PLD5: variants seen among roughly 807,000 people sequenced by gnomAD.
PLD5 encodes the protein phospholipase D family member 5, also known as inactive phospholipase D5.
Under a neutral mutation model 61.1 loss-of-function variants are expected in PLD5, and 36 were observed. That is an observed-to-expected ratio of 0.59 (90% CI 0.45 to 0.78). The LOEUF is 0.78. Among genes scored for constraint, PLD5 ranks in the 30% least tolerant of loss-of-function variants. The pLI is 0.00. For missense variants in PLD5, 515 were observed against 644.4 expected (o/e 0.80, Z 2.17); for synonymous variants, 243 against 242.8 (o/e 1.00, Z -0.01).
intron 1 of PLD5, among the ~76,000 whole-genome samples, chr1:242,360,206 C>T (rs1054386421): frequency 9.9e-5 from 15 of 151,944 alleles, no homozygotes; most frequent in African/African-American, 3.1e-4. Flanking sequence ...ACTTTTGAAC[C>T]GGGGCCCTAA....
chr1:242,281,635 G>A (rs1378382942), intron 3 of PLD5, among the ~76,000 whole-genome samples: 1 of 152,164 alleles, frequency 6.6e-6, no homozygotes, highest in Non-Finnish European at 1.5e-5. Context: ...GCTAGATAGT[G>A]TTTGGTCATA....
In PLD5 at chr1:242,085,661, G is replaced by A. The variant is rs1659412971; in HGVS notation, c.*4193C>T. On this transcript the variant is annotated 3_prime_UTR_variant, in exon 10 of 10. Coordinates refer to ENST00000536534, the MANE Select transcript of PLD5 (RefSeq NM_001372062.1). The stretch of plus-strand genomic sequence containing the variant: ...GTATAATAAAGCACACCAGTTCATT[G>A]GGAACAAGTACAGAAAGATAAAAGA... 6.6e-6 allele frequency: 1 copy of A among 152,088 alleles called. No individual in the cohort carries two copies. Among genetic ancestry groups the A allele is most frequent in the African/African-American group, 2.4e-5 (1 of 41,396 alleles). 9.4% of individuals were successfully genotyped at this position (152,088 alleles called of 1,614,324 possible).
intron 1 of PLD5, among the ~76,000 whole-genome samples, chr1:242,506,770 A>T (rs1027602960): frequency 2.6e-5 from 4 of 152,176 alleles, no homozygotes; most frequent in Admixed American, 1.3e-4. Flanking sequence ...GGAGCGAAAT[A>T]CTGGACGGGA....
rs1574300532 is a variant in PLD5, at chr1:242,104,154, C to T, written c.1240-3372G>A. Among the ~76,000 whole-genome samples, 4 of 152,010 alleles carry T rather than the reference C, an allele frequency of 2.6e-5. No individual in the cohort carries two copies. The Middle Eastern group carries it at 0.014, about 521-fold the overall frequency. On this transcript the variant is annotated intron_variant, in intron 8 of 9. Coordinates refer to ENST00000536534, the MANE Select transcript of PLD5 (RefSeq NM_001372062.1). ...GTTTTTGCTTCGAGACAGTCTTGTT[C>T]TGTCCCCAGGCTGGAGTGCAGTGGC...
At chr1:242,241,386 A>AT (rs1331233323) in intron 4 of PLD5, among the ~76,000 whole-genome samples, 1 of 152,156 alleles carries the variant, frequency 6.6e-6, no homozygotes, top group Admixed American at 6.5e-5. Flanking sequence ...ATTCAATTCA[A>AT]ATACCTAAAA....
chr1:242,168,106 AAT>A, intron 5 of PLD5, among the ~76,000 whole-genome samples: 1 of 152,362 alleles, frequency 6.6e-6, no homozygotes, highest in Non-Finnish European at 1.5e-5. Flanking sequence ...GTCTTTTAAT[AAT>A]CTTATAGATG....
intron 1 of PLD5, among the ~76,000 whole-genome samples, chr1:242,384,970 G>A (rs1339105368): frequency 6.6e-6 from 1 of 152,114 alleles, no homozygotes; most frequent in African/African-American, 2.4e-5. Flanking sequence ...GTCGGAGGAA[G>A]GAAAAGTACC....
At chr1:242,194,409 G>C (rs1668470772) in intron 5 of PLD5, among the ~76,000 whole-genome samples, 1 of 152,122 alleles carries the variant, frequency 6.6e-6, no homozygotes, top group African/African-American at 2.4e-5. Flanking sequence ...TCCAGCAACT[G>C]CACTGCTGGG....
chr1:242,299,153 G>A (rs1675887114), intron 2 of PLD5, among the ~76,000 whole-genome samples: 1 of 151,516 alleles, frequency 6.6e-6, no homozygotes, highest in Non-Finnish European at 1.5e-5. Flanking sequence ...TTAAATTTTT[G>A]TAGGTAGATA....
chr1:242,193,610 G>A (rs1377335227), intron 5 of PLD5, among the ~76,000 whole-genome samples: 1 of 152,218 alleles, frequency 6.6e-6, no homozygotes, highest in Non-Finnish European at 1.5e-5. Context: ...TTGATCATCA[G>A]AACAACAGGT....
chr1:242,372,602 C>A (rs1362584720), intron 1 of PLD5, among the ~76,000 whole-genome samples: 1 of 152,088 alleles, frequency 6.6e-6, no homozygotes, highest in Non-Finnish European at 1.5e-5. Context: ...GAGATATAGA[C>A]CAATCAAACA....
chr1:242,403,104 C>T (rs964624890), intron 1 of PLD5, among the ~76,000 whole-genome samples: 4 of 152,204 alleles, frequency 2.6e-5, no homozygotes, highest in African/African-American at 7.2e-5. Flanking sequence ...CGGAAAGATG[C>T]TTAATCATCC....
chr1:242,239,130 G>A (rs11808668), intron 4 of PLD5, among the ~76,000 whole-genome samples: 12,345 of 152,102 alleles, frequency 0.081, 628 homozygotes, highest in East Asian at 0.16. Flanking sequence ...CATTTCTCCC[G>A]TTGGGTTATA....
intron 4 of PLD5, among the ~76,000 whole-genome samples, chr1:242,246,760 T>C (rs1672390824): frequency 6.6e-6 from 1 of 152,146 alleles, no homozygotes; most frequent in South Asian, 2.1e-4. Flanking sequence ...TCTGAGCCAA[T>C]CTGAGTGACC....
Position 242,100,732 on chromosome 1 carries a change from CT to C in PLD5, c.1289del (p.Lys430ArgfsTer8). The C allele has an allele frequency of 6.2e-7, 1 of 1,613,574 alleles. No homozygotes were observed. The highest frequency in any genetic ancestry group is 2.2e-5 in the East Asian group (1 of 44,828). On this transcript the variant is annotated frameshift_variant, in exon 9 of 10. Coordinates refer to ENST00000536534, the MANE Select transcript of PLD5 (RefSeq NM_001372062.1). LOFTEE classifies it high-confidence loss of function. ...RENACATKEQ[K>X]NHTFPRLNRN... ...GATTTAACCTAGGAAAGGTGTGATT[CT>C]TTTGTTCTTTTGTAGCACAAGCATT...
At position 242,371,537 on chromosome 1, in the gene PLD5, A is replaced by ATC. The variant is rs141990242; in HGVS notation, c.190-23297_190-23296dup. On this transcript the variant is annotated intron_variant, in intron 1 of 9. Coordinates refer to ENST00000536534, the MANE Select transcript of PLD5 (RefSeq NM_001372062.1). ...ATCCCTTATCCCCCTCCTTCTTTCA[A>ATC]TCTCTCTCTCTCTCTGGACCTCCTT... is the stretch of plus-strand genomic sequence containing the variant. Among the ~76,000 whole-genome samples the ATC allele has an allele frequency of 1.6e-4, 24 of 150,034 alleles. No homozygotes were observed. In the East Asian group the frequency reaches 3.3e-3, roughly 21 times the overall value.
intron 4 of PLD5, among the ~76,000 whole-genome samples, chr1:242,260,581 C>T (rs1673324973): frequency 6.6e-6 from 1 of 151,986 alleles, no homozygotes; most frequent in South Asian, 2.1e-4. Context: ...TGACAAAATG[C>T]AAAAACAAAA....
chr1:242,362,838 C>T (rs1661144398), intron 1 of PLD5, among the ~76,000 whole-genome samples: 1 of 152,038 alleles, frequency 6.6e-6, no homozygotes, highest in Admixed American at 6.6e-5. Flanking sequence ...TTAATTTACT[C>T]CCAAGGCACC....
At chr1:242,282,445 G>A (rs1214071411) in intron 3 of PLD5, among the ~76,000 whole-genome samples, 1 of 151,932 alleles carries the variant, frequency 6.6e-6, no homozygotes, top group East Asian at 1.9e-4. Flanking sequence ...ACAACCTCTT[G>A]GATCACCGAG....
Sources: gnomAD v4.1 joint callset for allele counts (sites outside exome capture counted in the v4.1 genomes callset) on GRCh38, gnomAD v4.1.1 for gene constraint, MANE v1.5 for transcripts, NCBI Gene and HGNC (gene_info 2026-07-23, HGNC 2026-07-21) for gene names.